Variants in TRPC4 observed in about 807,000 individuals in gnomAD.
TRPC4 encodes the protein short transient receptor potential channel 4.
TRPC4 carries 49 observed loss-of-function variants against 99.4 expected under a neutral mutation model. The ratio of observed to expected loss-of-function variants is 0.49; its 90% confidence interval spans 0.39 to 0.63. The LOEUF is 0.63. Ranked by LOEUF, TRPC4 falls within the 20% of genes least tolerant of loss-of-function variation. The probability of loss-of-function intolerance (pLI) is 0.00; values close to 1 mark genes in which losing one functional copy is unlikely to be tolerated. For missense variants in TRPC4, 898 were observed against 1,152.9 expected (o/e 0.78, Z 3.20); for synonymous variants, 454 against 425.9 (o/e 1.07, Z -0.81).
Position 37,637,612 on chromosome 13 carries a change from T to C in TRPC4, c.2225A>G (p.Asp742Gly). 3 of 1,587,328 alleles carry C rather than the reference T, an allele frequency of 1.9e-6. No homozygotes were observed. Among genetic ancestry groups the C allele is most frequent in the Non-Finnish European group, 1.7e-6 (2 of 1,170,786 alleles). The change falls in exon 11 of 11, where the codon GAC becomes GGC. Residue 742 changes from aspartate to glycine, a missense_variant. By Grantham distance (94) the Asp-to-Gly change is moderately conservative. Coordinates refer to ENST00000379705, the MANE Select transcript of TRPC4 (RefSeq NM_016179.4). The stretch of plus-strand genomic sequence containing the variant: ...GACTTCAAAGCGGAAACTAGAAATG[T>C]CTTGCTTTAGTTCCTACGTAGAATT... Reference protein sequence around the residue: ...TEENFKELKQDISSFRFEVLG... With the variant: ...TEENFKELKQGISSFRFEVLG...
chr13:37,724,176 AAAAT>A (rs1394824974), intron 3 of TRPC4, among the ~76,000 whole-genome samples: 4 of 152,176 alleles, frequency 2.6e-5, no homozygotes, highest in East Asian at 3.8e-4. Flanking sequence ...TTCAAAGGAA[AAAAT>A]AAATAACACA....
intron 1 of TRPC4, among the ~76,000 whole-genome samples, chr13:37,811,628 C>T (rs1957688879): frequency 1.3e-5 from 2 of 152,082 alleles, no homozygotes; most frequent in Non-Finnish European, 2.9e-5. Context: ...CAGCAGAGTA[C>T]TCATTACCAC....
intron 2 of TRPC4, among the ~76,000 whole-genome samples, chr13:37,779,268 T>G (rs1956778580): frequency 6.6e-6 from 1 of 152,052 alleles, no homozygotes; most frequent in Non-Finnish European, 1.5e-5. Context: ...TTCTCAGTTA[T>G]TCCCTCTAGA....
chr13:37,860,755 G>A lies in TRPC4; in HGVS notation c.-28+8840C>T, dbSNP rs534373227. On this transcript the variant is annotated intron_variant, in intron 1 of 10. Coordinates refer to ENST00000379705, the MANE Select transcript of TRPC4 (RefSeq NM_016179.4). ...CAGCAGGGAATGTGAATTCATATAC[G>A]GCAGCTCCTCTGTCATAAGCCTCCA... is the stretch of plus-strand genomic sequence containing the variant. 2.6e-5 allele frequency among the ~76,000 whole-genome samples: 4 copies of A among 151,404 alleles called. No individual in the cohort carries two copies. In the South Asian group the frequency reaches 6.2e-4, roughly 24 times the overall value.
chr13:37,795,141 A>G (rs1957214540), intron 1 of TRPC4, among the ~76,000 whole-genome samples: 1 of 152,146 alleles, frequency 6.6e-6, no homozygotes, highest in Non-Finnish European at 1.5e-5. Flanking sequence ...TGGATTTAGA[A>G]TTTCTTACTA....
chr13:37,790,495 T>C (rs181300148), intron 1 of TRPC4, among the ~76,000 whole-genome samples: 23 of 152,320 alleles, frequency 1.5e-4, no homozygotes, highest in African/African-American at 4.8e-4. Context: ...ACTATTTGCA[T>C]ATAAATAATC....
chr13:37,838,199 A>G (rs148052887), intron 1 of TRPC4, among the ~76,000 whole-genome samples: 57 of 152,298 alleles, frequency 3.7e-4, no homozygotes, highest in African/African-American at 1.4e-3. Context: ...ATCCAACCAC[A>G]TGGAAATACT....
chr13:37,778,271 T>C (rs548696385), intron 2 of TRPC4, among the ~76,000 whole-genome samples: 2 of 152,012 alleles, frequency 1.3e-5, no homozygotes, highest in African/African-American at 4.8e-5. Flanking sequence ...TTACGTCACT[T>C]AAGCCTTTTA....
chr13:37,673,579 G>C (rs1355372933), intron 5 of TRPC4, among the ~76,000 whole-genome samples: 1 of 151,856 alleles, frequency 6.6e-6, no homozygotes, highest in East Asian at 1.9e-4. Flanking sequence ...TAATCCTCTG[G>C]GTTGAAAGAA....
At chr13:37,707,246 A>T (rs1194640026) in intron 3 of TRPC4, among the ~76,000 whole-genome samples, 1 of 152,184 alleles carries the variant, frequency 6.6e-6, no homozygotes, top group African/African-American at 2.4e-5. Flanking sequence ...AAGTAGATTC[A>T]AAGTTTTATT....
At chr13:37,855,616 C>T (rs1959166638) in intron 1 of TRPC4, among the ~76,000 whole-genome samples, 1 of 151,670 alleles carries the variant, frequency 6.6e-6, no homozygotes, top group Admixed American at 6.6e-5. Context: ...TTCTCAGGAA[C>T]AGGCCATAAG....
At chr13:37,786,305 CA>C (rs1956967885) in intron 1 of TRPC4, among the ~76,000 whole-genome samples, 1 of 149,828 alleles carries the variant, frequency 6.7e-6, no homozygotes, top group African/African-American at 2.4e-5. Context: ...CACACACACA[CA>C]CACACACACA....
chr13:37,745,450 A>ATATATATATACG, intron 3 of TRPC4, among the ~76,000 whole-genome samples: 1 of 2,980 alleles, frequency 3.4e-4, no homozygotes, highest in East Asian at 6.5e-3. Context: ...ATATATATAT[A>ATATATATATACG]TATATATATA....
At chr13:37,766,523 C>T (rs1327728205) in intron 2 of TRPC4, among the ~76,000 whole-genome samples, 1 of 151,332 alleles carries the variant, frequency 6.6e-6, no homozygotes, top group Non-Finnish European at 1.5e-5. Context: ...AGAGGAAATA[C>T]ATGGATAATA....
intron 3 of TRPC4, among the ~76,000 whole-genome samples, chr13:37,696,627 GATT>G (rs1172979431): frequency 1.3e-5 from 2 of 152,166 alleles, no homozygotes; most frequent in Non-Finnish European, 2.9e-5. Context: ...ACTGCCGGGT[GATT>G]ATAAAGAGAG....
intron 3 of TRPC4, among the ~76,000 whole-genome samples, chr13:37,697,084 A>C (rs573256789): frequency 6.6e-6 from 1 of 152,222 alleles, no homozygotes; most frequent in South Asian, 2.1e-4. Flanking sequence ...CACATGATTA[A>C]TCAGACCCAC....
chr13:37,724,684 T>G (rs1477305969), intron 3 of TRPC4, among the ~76,000 whole-genome samples: 1 of 152,196 alleles, frequency 6.6e-6, no homozygotes, highest in African/African-American at 2.4e-5. Flanking sequence ...TTATTGTGAG[T>G]AAAAAGTGTT....
intron 3 of TRPC4, among the ~76,000 whole-genome samples, chr13:37,708,149 A>T (rs529538261): frequency 6.6e-6 from 1 of 152,160 alleles, no homozygotes; most frequent in African/African-American, 2.4e-5. Flanking sequence ...AATAATAAAC[A>T]TAATCCTAAT....
intron 1 of TRPC4, among the ~76,000 whole-genome samples, chr13:37,813,788 A>G (rs974662493): frequency 2.0e-5 from 3 of 151,862 alleles, no homozygotes; most frequent in African/African-American, 7.2e-5. Flanking sequence ...AAATGTTTCA[A>G]TCATTCACAA....
Sources: allele counts gnomAD v4.1 joint callset (sites outside exome capture counted in the v4.1 genomes callset), GRCh38; gene constraint gnomAD v4.1.1; transcripts MANE v1.5; gene names NCBI Gene and HGNC (gene_info 2026-07-23, HGNC 2026-07-21).